The following DOK6 variants were observed in gnomAD, a reference collection of about 807,000 sequenced individuals.
DOK6 encodes the protein docking protein 6, also known as downstream of tyrosine kinase 6.
DOK6 carries 22 observed loss-of-function variants against 44.0 expected under a neutral mutation model. The ratio of observed to expected loss-of-function variants is 0.50; its 90% CI spans 0.36 to 0.71. The LOEUF (loss-of-function observed/expected upper bound fraction) is 0.71. Among genes scored for constraint, DOK6 ranks in the 30% least tolerant of loss-of-function variants. The pLI, the probability that DOK6 is intolerant of heterozygous loss-of-function variation, is 0.00. For missense variants in DOK6, 340 were observed against 416.4 expected (o/e 0.82, Z 1.60); for synonymous variants, 166 against 145.5 (o/e 1.14, Z -1.01).
At chr18:69,839,788 G>A (rs1982161874) in intron 7 of DOK6, among the ~76,000 whole-genome samples, 1 of 152,236 alleles carries the variant, frequency 6.6e-6, no homozygotes, top group South Asian at 2.1e-4. Flanking sequence ...AAGCTCAGAG[G>A]ACTGGCGGTG....
At chr18:69,722,525 C>A (rs775712012) in intron 5 of DOK6, among the ~76,000 whole-genome samples, 1 of 152,062 alleles carries the variant, frequency 6.6e-6, no homozygotes, top group Non-Finnish European at 1.5e-5. Flanking sequence ...GGGCAAAGCA[C>A]CAGATAGACA....
chr18:69,632,932 A>G (rs992977933), intron 3 of DOK6, among the ~76,000 whole-genome samples: 2 of 152,178 alleles, frequency 1.3e-5, no homozygotes, highest in Admixed American at 1.3e-4. Flanking sequence ...CTGTGATCAG[A>G]CACCATCCTC....
intron 5 of DOK6, among the ~76,000 whole-genome samples, chr18:69,720,326 AG>A (rs1299897051): frequency 6.6e-6 from 1 of 152,230 alleles, no homozygotes; most frequent in African/African-American, 2.4e-5. Context: ...ATAAAATTAT[AG>A]CAAGTGATCA....
intron 1 of DOK6, among the ~76,000 whole-genome samples, chr18:69,550,499 A>G (rs1033324482): frequency 2.6e-5 from 4 of 152,180 alleles, no homozygotes; most frequent in Admixed American, 2.0e-4. Flanking sequence ...CTGGGTAAAC[A>G]ACAACTTAAC....
In DOK6 at chr18:69,599,254, T is replaced by G. The variant is rs1983816801; in HGVS notation, c.175-130T>G. 7 of 683,940 alleles carry G rather than the reference T, an allele frequency of 1.0e-5. No homozygotes were observed. In the South Asian group the frequency reaches 1.6e-4, roughly 16 times the overall value. The allele number at this position is 683,940 out of a possible 1,614,324, so 42.4% of individuals were successfully genotyped here. A position where few individuals can be genotyped will look rare whatever the true frequency, so the allele number is the denominator to read the frequency against. On this transcript the variant is annotated intron_variant, in intron 2 of 7. Transcript: ENST00000382713. ...TTTTCTTTACTGTTTTTGGCTAAAG[T>G]CAATTCAGAATGAGTACAAATATCC...
At chr18:69,636,225 C>T (rs1195870371) in intron 3 of DOK6, among the ~76,000 whole-genome samples, 1 of 152,168 alleles carries the variant, frequency 6.6e-6, no homozygotes, top group African/African-American at 2.4e-5. Flanking sequence ...AGAAGCCACC[C>T]TTTGTAAGTT....
At chr18:69,775,187 A>G (rs1056085801) in intron 7 of DOK6, among the ~76,000 whole-genome samples, 2 of 152,170 alleles carry the variant, frequency 1.3e-5, no homozygotes, top group African/African-American at 4.8e-5. Context: ...GCAAGAATAA[A>G]TACTAAATTG....
intron 4 of DOK6, among the ~76,000 whole-genome samples, chr18:69,692,504 T>C (rs376054843): frequency 2.0e-5 from 3 of 152,368 alleles, no homozygotes; most frequent in East Asian, 3.9e-4. Context: ...TTTTATCACG[T>C]GATATTTTGA....
At chr18:69,729,162 T>A (rs1391325926) in intron 5 of DOK6, among the ~76,000 whole-genome samples, 6 of 152,224 alleles carry the variant, frequency 3.9e-5, no homozygotes, top group Admixed American at 3.9e-4. Context: ...CATGCACATA[T>A]ATACATGTAC....
rs191607909 is a variant in DOK6, at chr18:69,836,473, A to G, written c.857-4771A>G. On this transcript the variant is annotated intron_variant, in intron 7 of 7. Transcript: ENST00000382713. ...CATTTCAGAGTATACTTGAACTATG[A>G]GATAAATGTGATATGTTTTTTTTTT... 2.6e-5 allele frequency among the ~76,000 whole-genome samples: 4 copies of G among 152,190 alleles called. No individual in the cohort carries two copies. In the East Asian group the frequency reaches 7.7e-4, roughly 29 times the overall value.
chr18:69,616,529 A>G (rs2144634984), intron 3 of DOK6, among the ~76,000 whole-genome samples: 1 of 147,844 alleles, frequency 6.8e-6, no homozygotes, highest in East Asian at 2.0e-4. Context: ...AAGGTCAACC[A>G]AGCTCCAGAA....
intron 3 of DOK6, among the ~76,000 whole-genome samples, chr18:69,637,443 C>G (rs1395002723): frequency 2.0e-5 from 3 of 152,202 alleles, no homozygotes; most frequent in Non-Finnish European, 4.4e-5. Context: ...TATAAGCCTA[C>G]ATAATTCCAT....
intron 7 of DOK6, among the ~76,000 whole-genome samples, chr18:69,787,225 G>GACAAA (rs1980458604): frequency 1.3e-5 from 2 of 151,922 alleles, no homozygotes; most frequent in South Asian, 4.2e-4. Context: ...CAAAAAACAA[G>GACAAA]ACAAAACAAA....
chr18:69,629,390 T>C (rs1361053138), intron 3 of DOK6, among the ~76,000 whole-genome samples: 1 of 152,218 alleles, frequency 6.6e-6, no homozygotes, highest in Non-Finnish European at 1.5e-5. Flanking sequence ...CCATGAATTA[T>C]GCTTATGACT....
At chr18:69,508,082 T>C (rs931640888) in intron 1 of DOK6, among the ~76,000 whole-genome samples, 5 of 152,168 alleles carry the variant, frequency 3.3e-5, no homozygotes, top group African/African-American at 1.2e-4. Flanking sequence ...CATGAATGGA[T>C]GTTGATTATT....
chr18:69,726,958 G>A (rs947412354), intron 5 of DOK6, among the ~76,000 whole-genome samples: 11 of 152,006 alleles, frequency 7.2e-5, no homozygotes, highest in African/African-American at 1.7e-4. Context: ...GGCCTCAAGC[G>A]ATCCTCCCAC....
At chr18:69,468,712 A>G (rs923844473) in intron 1 of DOK6, among the ~76,000 whole-genome samples, 7 of 151,934 alleles carry the variant, frequency 4.6e-5, no homozygotes, top group African/African-American at 1.5e-4. Flanking sequence ...CTCATAAGAT[A>G]TATACAATGT....
At chr18:69,603,025 A>G (rs771337527) in intron 3 of DOK6, among the ~76,000 whole-genome samples, 18 of 152,364 alleles carry the variant, frequency 1.2e-4, no homozygotes, top group Non-Finnish European at 1.9e-4. Context: ...ACCTAGTGTC[A>G]TGAACAATAA....
At chr18:69,532,411 T>G (rs528485387) in intron 1 of DOK6, among the ~76,000 whole-genome samples, 1 of 152,344 alleles carries the variant, frequency 6.6e-6, no homozygotes, top group Admixed American at 6.5e-5. Context: ...TTTTCTTATT[T>G]TATAAAAAAG....
Sources: gnomAD v4.1 joint callset for allele counts (sites outside exome capture counted in the v4.1 genomes callset) on GRCh38, gnomAD v4.1.1 for gene constraint, MANE v1.5 for transcripts, NCBI Gene and HGNC (gene_info 2026-07-23, HGNC 2026-07-21) for gene names.